The following STT3B variants were observed in gnomAD, a reference collection of about 807,000 sequenced individuals.
The protein encoded by STT3B is dolichyl-diphosphooligosaccharide--protein glycosyltransferase subunit STT3B.
A neutral mutation model predicts 96.8 loss-of-function variants in STT3B; 29 were observed. The observed-to-expected ratio is 0.30, with a 90% CI of 0.22 to 0.41. STT3B has a LOEUF of 0.41. Among genes scored for constraint, STT3B ranks in the 10% least tolerant of loss-of-function variants. The probability of loss-of-function intolerance (pLI) is 1.00; values close to 1 mark genes in which losing one functional copy is unlikely to be tolerated. For missense variants in STT3B, 640 were observed against 1,022.3 expected, an observed-to-expected ratio of 0.63 and a Z score of 5.10; for synonymous variants, 367 against 360.0, an observed-to-expected ratio of 1.02 and a Z score of -0.22.
intron 1 of STT3B, among the ~76,000 whole-genome samples, chr3:31,544,948 G>C (rs1662240988): frequency 6.6e-6 from 1 of 152,070 alleles, no homozygotes; most frequent in Non-Finnish European, 1.5e-5. Flanking sequence ...GGGAGCGGGG[G>C]GGGAACATTG....
chr3:31,561,276 A>G (rs1399989688), intron 1 of STT3B, among the ~76,000 whole-genome samples: 4 of 148,224 alleles, frequency 2.7e-5, no homozygotes, highest in African/African-American at 1.0e-4. Flanking sequence ...AAAATTTTTT[A>G]TTTTTTAAAA....
In STT3B at chr3:31,576,546, T is replaced by C. The variant is rs180970463; in HGVS notation, c.423+42T>C. The stretch of plus-strand genomic sequence containing the variant: ...TTCTTTATGTTAATTATAACATTTA[T>C]TGTTACTTGAGTAAATCATTAATTG... On this transcript the variant is annotated intron_variant, in intron 2 of 15. Transcript: ENST00000295770. The C allele has an allele frequency of 3.4e-6, 4 of 1,181,348 alleles. No homozygotes were observed. In the African/African-American group the frequency reaches 6.3e-5, roughly 19 times the overall value. 73.2% of individuals were successfully genotyped at this position (1,181,348 alleles called of 1,614,324 possible). A position where few individuals can be genotyped will look rare whatever the true frequency, so the allele number is the denominator to read the frequency against.
intron 13 of STT3B, 27 bp from the exon 14 acceptor site, chr3:31,629,271 A>G: frequency 7.8e-7 from 1 of 1,279,704 alleles, no homozygotes. Flanking sequence ...TTGAACTAAC[A>G]TAGAACTTGT....
In STT3B at chr3:31,579,891, T is replaced by C; in HGVS notation, c.506T>C (p.Val169Ala). 6.2e-7 allele frequency: 1 copy of C among 1,613,894 alleles called. No individual in the cohort carries two copies. Among genetic ancestry groups the C allele is most frequent in the South Asian group, 1.1e-5 (1 of 91,078 alleles). ...TLNITVHIRD[V>A]CVFLAPTFSG... ...AACATAACTGTTCACATAAGAGACG[T>C]ATGTGTGTTCCTTGCACCAACTTTT... Residue 169 changes from valine (V) to alanine (A), a missense_variant, in exon 3 of 16, where the codon GTA (valine) becomes GCA (alanine). By Grantham distance (64) the Val-to-Ala change is moderately conservative (BLOSUM62 0). Transcript: ENST00000295770.
Position 31,625,473 on chromosome 3 carries a change from A to G in STT3B, c.1899+388A>G, listed in dbSNP as rs1044194531. ...CTGTTCCTCTAGCTATTAAACAACTAATCTGCATAGATTAATGTAATCCCC... is the reference window on the plus strand; with the variant it reads ...CTGTTCCTCTAGCTATTAAACAACTGATCTGCATAGATTAATGTAATCCCC... On this transcript the variant is annotated intron_variant, in intron 12 of 15. Transcript: ENST00000295770. Among the ~76,000 whole-genome samples the G allele has an allele frequency of 2.6e-5, 4 of 152,260 alleles. No homozygotes were observed. In the East Asian group the frequency reaches 5.8e-4, roughly 22 times the overall value.
chr3:31,596,952 A>G, intron 4 of STT3B, 89 bp downstream of exon 4: 1 of 986,114 alleles, frequency 1.0e-6, no homozygotes, highest in Non-Finnish European at 1.5e-6. Context: ...TAGGATTTTT[A>G]TTTTGTTTAA....
At position 31,625,942 on chromosome 3, in the gene STT3B, T is replaced by A. The variant is rs775415182; in HGVS notation, c.1900-12T>A. The A allele has an allele frequency of 1.0e-4, 162 of 1,556,472 alleles. No individual in the cohort carries two copies. The highest frequency in any genetic ancestry group is 1.8e-4 in the Middle Eastern group (1 of 5,644). On this transcript the variant is annotated splice_polypyrimidine_tract_variant and intron_variant, in intron 12 of 15. Coordinates refer to ENST00000295770, the MANE Select transcript of STT3B (RefSeq NM_178862.3). ...AATCAAAAACATTCTCATTTTTTTT[T>A]AAATTCTGCAGGTGGGAAAAGCTAT...
At chr3:31,541,331 C>T (rs1697258745) in intron 1 of STT3B, among the ~76,000 whole-genome samples, 1 of 152,170 alleles carries the variant, frequency 6.6e-6, no homozygotes, top group African/African-American at 2.4e-5. Flanking sequence ...CACCCCCTGA[C>T]TTTATAGTGA....
rs1048523117 is a variant in STT3B at position 31,602,659 on chromosome 3, G to A, written c.877+2200G>A. ...AAAGGCCTTTGTATTTGGTAGCTGG[G>A]ATTTTTTTTTTTTTTTTTTTTTTGG... On this transcript the variant is annotated intron_variant, in intron 5 of 15. Coordinates refer to ENST00000295770, the MANE Select transcript of STT3B (RefSeq NM_178862.3). 3.1e-5 allele frequency among the ~76,000 whole-genome samples: 4 copies of A among 129,574 alleles called. No homozygotes were observed. In the South Asian group the frequency reaches 7.4e-4, roughly 24 times the overall value. The allele number at this position is 129,574 out of a possible 152,430, so 85.0% of individuals were successfully genotyped here.
chr3:31,535,578 G>T (rs1310714742), intron 1 of STT3B, among the ~76,000 whole-genome samples: 1 of 151,974 alleles, frequency 6.6e-6, no homozygotes, highest in Non-Finnish European at 1.5e-5. Flanking sequence ...ACAAAAATTA[G>T]CCGGGAGTGG....
intron 14 of STT3B, 38 bp from the exon 15 acceptor site, chr3:31,632,897 A>G (rs748016835): frequency 9.6e-6 from 15 of 1,568,866 alleles, no homozygotes; most frequent in African/African-American, 1.4e-5. Context: ...AATGTTTTCC[A>G]ATATGGTTAA....
intron 1 of STT3B, among the ~76,000 whole-genome samples, chr3:31,546,313 A>G (rs1697412797): frequency 6.6e-6 from 1 of 152,166 alleles, no homozygotes; most frequent in Non-Finnish European, 1.5e-5. Context: ...TGGAGGCTCA[A>G]TAGGCTGTAG....
intron 3 of STT3B, among the ~76,000 whole-genome samples, chr3:31,580,417 G>A (rs1046763626): frequency 6.6e-6 from 1 of 152,052 alleles, no homozygotes; most frequent in Admixed American, 6.6e-5. Context: ...ATGGTTTGAT[G>A]GCTAAGAATT....
intron 1 of STT3B, among the ~76,000 whole-genome samples, chr3:31,540,912 C>T (rs896121735): frequency 3.9e-5 from 6 of 152,102 alleles, no homozygotes; most frequent in African/African-American, 4.8e-5. Context: ...GCCTACCACA[C>T]GTTTATTATT....
intron 1 of STT3B, among the ~76,000 whole-genome samples, chr3:31,574,594 T>C (rs1698225174): frequency 6.6e-6 from 1 of 152,184 alleles, no homozygotes; most frequent in Non-Finnish European, 1.5e-5. Flanking sequence ...TGGTAAATAC[T>C]TCTTGGAAGA....
chr3:31,569,185 T>C (rs927497649), intron 1 of STT3B, among the ~76,000 whole-genome samples: 5 of 151,910 alleles, frequency 3.3e-5, no homozygotes, highest in Admixed American at 3.3e-4. Context: ...ATTAAAAAAC[T>C]TTTTTTTCTT....
chr3:31,565,083 T>C (rs1466905806), intron 1 of STT3B, among the ~76,000 whole-genome samples: 1 of 152,240 alleles, frequency 6.6e-6, no homozygotes, highest in Non-Finnish European at 1.5e-5. Context: ...TCATTCTTTC[T>C]TTTTCATGAG....
intron 1 of STT3B, among the ~76,000 whole-genome samples, chr3:31,570,642 T>G (rs561170853): frequency 6.6e-6 from 1 of 152,288 alleles, no homozygotes; most frequent in South Asian, 2.1e-4. Context: ...ATCAATATGG[T>G]CAATCCAAGT....
chr3:31,585,118 G>A (rs561341914), intron 3 of STT3B, among the ~76,000 whole-genome samples: 8 of 152,020 alleles, frequency 5.3e-5, no homozygotes, highest in African/African-American at 1.7e-4. Flanking sequence ...TAAGTACTTT[G>A]TCATAGCATT....
Sources: allele counts gnomAD v4.1 joint callset (sites outside exome capture counted in the v4.1 genomes callset), GRCh38; gene constraint gnomAD v4.1.1; transcripts MANE v1.5; gene names NCBI Gene and HGNC (gene_info 2026-07-23, HGNC 2026-07-21).